The following LMX1A variants were observed in gnomAD, a reference collection of about 807,000 sequenced individuals.
The protein encoded by LMX1A is LIM homeobox transcription factor 1-alpha.
In LMX1A, 15 loss-of-function variants were observed where a neutral mutation model predicts 49.1. The observed-to-expected ratio is 0.31, with a 90% CI of 0.20 to 0.47. LMX1A has a LOEUF of 0.47. LMX1A is among the 20% of genes least tolerant of loss of function. The pLI is 1.00. For synonymous variants in LMX1A, 167 were observed against 185.7 expected (o/e 0.90, Z 0.82); for missense variants, 372 against 475.8 (o/e 0.78, Z 2.03).
At chr1:165,291,532 A>G (rs1654466807) in intron 3 of LMX1A, among the ~76,000 whole-genome samples, 2 of 152,244 alleles carry the variant, frequency 1.3e-5, no homozygotes, top group African/African-American at 4.8e-5. Context: ...CTCTGAGTAC[A>G]GCCAGAAGTG....
chr1:165,338,241 A>G (rs1182381218), intron 3 of LMX1A, among the ~76,000 whole-genome samples: 1 of 152,160 alleles, frequency 6.6e-6, no homozygotes, highest in Non-Finnish European at 1.5e-5. Flanking sequence ...GCCTTACCAC[A>G]TTACAGGTAA....
At chr1:165,273,506 A>T (rs1295806042) in intron 3 of LMX1A, among the ~76,000 whole-genome samples, 1 of 152,190 alleles carries the variant, frequency 6.6e-6, no homozygotes, top group Non-Finnish European at 1.5e-5. Flanking sequence ...GGAGCTTGTC[A>T]ATTGAGACCT....
intron 7 of LMX1A, 78 bp downstream of exon 7, chr1:165,207,985 G>T (rs1651164251): frequency 1.6e-6 from 2 of 1,227,778 alleles, no homozygotes; most frequent in African/African-American, 1.5e-5. Flanking sequence ...GTCATCCAAA[G>T]AGCTGGGTAG....
At chr1:165,327,645 G>A (rs958309483) in intron 3 of LMX1A, among the ~76,000 whole-genome samples, 3 of 152,154 alleles carry the variant, frequency 2.0e-5, no homozygotes, top group African/African-American at 4.8e-5. Context: ...CAGGTTTCTC[G>A]TCCCACAGCA....
intron 3 of LMX1A, among the ~76,000 whole-genome samples, chr1:165,323,535 C>A (rs990637028): frequency 2.0e-5 from 3 of 152,172 alleles, no homozygotes; most frequent in Non-Finnish European, 4.4e-5. Flanking sequence ...AAAATAAAGA[C>A]ACTACCATAA....
intron 3 of LMX1A, among the ~76,000 whole-genome samples, chr1:165,270,379 A>G (rs1055571693): frequency 6.6e-5 from 10 of 152,188 alleles, no homozygotes; most frequent in African/African-American, 2.4e-4. Flanking sequence ...AGAAATTTGG[A>G]GACTCAGGAA....
intron 5 of LMX1A, among the ~76,000 whole-genome samples, chr1:165,212,375 G>T (rs35262755): frequency 0.16 from 25,071 of 152,200 alleles, 2,421 homozygotes; most frequent in Non-Finnish European, 0.22. Flanking sequence ...AAGCCCAGGA[G>T]GGGGCTGCTC....
At chr1:165,258,761 T>A (rs894914644) in intron 3 of LMX1A, among the ~76,000 whole-genome samples, 16 of 152,324 alleles carry the variant, frequency 1.1e-4, no homozygotes, top group Admixed American at 5.2e-4. Context: ...GTAGACTAAC[T>A]AAGTGCTTTT....
Position 165,347,304 on chromosome 1 carries a change from G to A in LMX1A, c.263+5772C>T, listed in dbSNP as rs1488126125. ...CCAAACCAAATCTGAAAAGGCCACTGGCAGTGACTGTCCTAATGTTCCTAA... is the reference window on the plus strand; with the variant it reads ...CCAAACCAAATCTGAAAAGGCCACTAGCAGTGACTGTCCTAATGTTCCTAA... On this transcript the variant is annotated intron_variant, in intron 3 of 8. Transcript: ENST00000342310. Among the ~76,000 whole-genome samples the A allele has an allele frequency of 5.3e-5, 8 of 152,172 alleles. No homozygotes were observed. The South Asian group carries it at 1.7e-3, about 32-fold the overall frequency.
intron 3 of LMX1A, among the ~76,000 whole-genome samples, chr1:165,271,864 T>G (rs1400075763): frequency 3.9e-5 from 6 of 152,170 alleles, no homozygotes; most frequent in African/African-American, 1.4e-4. Context: ...TAAGACTGTC[T>G]ATAAGAATGC....
At chr1:165,314,920 T>C (rs1655177421) in intron 3 of LMX1A, among the ~76,000 whole-genome samples, 1 of 152,148 alleles carries the variant, frequency 6.6e-6, no homozygotes, top group South Asian at 2.1e-4. Flanking sequence ...GCAGCCCCAC[T>C]TCATCCCAGG....
At chr1:165,233,297 A>T (rs35750725) in intron 4 of LMX1A, among the ~76,000 whole-genome samples, 16,105 of 152,198 alleles carry the variant, frequency 0.11, 1,091 homozygotes, top group Admixed American at 0.14. Context: ...TCTACAAAAA[A>T]TTTAAAAATT....
chr1:165,344,061 A>G (rs1656162468), intron 3 of LMX1A, among the ~76,000 whole-genome samples: 1 of 152,262 alleles, frequency 6.6e-6, no homozygotes, highest in South Asian at 2.1e-4. Context: ...GCATGAGACA[A>G]GCAAGAAGGC....
rs1484368664 is a variant in LMX1A, at chr1:165,318,427, A to C, written c.263+34649T>G. 5.9e-5 allele frequency among the ~76,000 whole-genome samples: 9 copies of C among 151,610 alleles called. No homozygotes were observed. The East Asian group carries it at 1.7e-3, about 29-fold the overall frequency. ...TCAAAAGAGAAGTCAGAATTCAAAC[A>C]ATCTGCTGGCTTCAGGTTCAGAGCA... On this transcript the variant is annotated intron_variant, in intron 3 of 8. Coordinates refer to ENST00000342310, the MANE Select transcript of LMX1A (RefSeq NM_177398.4).
intron 3 of LMX1A, among the ~76,000 whole-genome samples, chr1:165,267,610 A>G (rs557069573): frequency 6.6e-6 from 1 of 152,328 alleles, no homozygotes; most frequent in Admixed American, 6.5e-5. Flanking sequence ...ATAAGAACAG[A>G]AGGAAGAAAG....
chr1:165,335,966 C>T (rs1242996733), intron 3 of LMX1A, among the ~76,000 whole-genome samples: 1 of 151,548 alleles, frequency 6.6e-6, no homozygotes, highest in Non-Finnish European at 1.5e-5. Flanking sequence ...AATAAAATTG[C>T]CCACGTGAGC....
chr1:165,236,148 A>T (rs1652430205), intron 4 of LMX1A, among the ~76,000 whole-genome samples: 1 of 152,126 alleles, frequency 6.6e-6, no homozygotes, highest in South Asian at 2.1e-4. Context: ...GGTGTAATTC[A>T]AACTGTTGTG....
intron 3 of LMX1A, among the ~76,000 whole-genome samples, chr1:165,293,651 G>C (rs929008343): frequency 2.0e-5 from 3 of 152,242 alleles, no homozygotes; most frequent in African/African-American, 7.2e-5. Flanking sequence ...AGAAACAACA[G>C]ATGTTTATTT....
intron 4 of LMX1A, among the ~76,000 whole-genome samples, chr1:165,217,527 G>A (rs1651687776): frequency 6.6e-6 from 1 of 152,146 alleles, no homozygotes; most frequent in Admixed American, 6.5e-5. Context: ...TCAAAACGAG[G>A]AGAAGAGAAG....
Sources: allele counts gnomAD v4.1 joint callset (sites outside exome capture counted in the v4.1 genomes callset), GRCh38; gene constraint gnomAD v4.1.1; transcripts MANE v1.5; gene names NCBI Gene and HGNC (gene_info 2026-07-23, HGNC 2026-07-21).